The following MAST2 variants were observed in gnomAD, a reference collection of about 807,000 sequenced individuals.
The protein encoded by MAST2 is microtubule associated serine/threonine kinase 2.
In MAST2, 70 loss-of-function variants were observed where a neutral mutation model predicts 147.4. The ratio of observed to expected loss-of-function variants is 0.47; its 90% confidence interval spans 0.39 to 0.58. The LOEUF is 0.58. Among genes scored for constraint, MAST2 ranks in the 20% least tolerant of loss-of-function variants. MAST2 has a pLI of 0.00. For synonymous variants in MAST2, 869 were observed against 896.8 expected (o/e 0.97, Z 0.55); for missense variants, 2,080 against 2,302.3 (o/e 0.90, Z 1.98).
At chr1:46,032,506 G>A (rs2149343108) in intron 25 of MAST2, 90 bp from the exon 26 acceptor site, 4 of 1,594,902 alleles carry the variant, frequency 2.5e-6, no homozygotes, top group South Asian at 1.1e-5. Flanking sequence ...AAAGGGTGGT[G>A]GTGAAGGGGC....
At chr1:45,813,944 G>A (rs924242857) in intron 1 of MAST2, among the ~76,000 whole-genome samples, 2 of 152,080 alleles carry the variant, frequency 1.3e-5, no homozygotes, top group African/African-American at 4.8e-5. Flanking sequence ...GAACTATTAT[G>A]CCTGGCTTCC....
intron 4 of MAST2, among the ~76,000 whole-genome samples, chr1:45,928,567 C>CTTTT (rs11374683): frequency 7.0e-6 from 1 of 143,726 alleles, no homozygotes. Context: ...ATCACTCTTT[C>CTTTT]TTTTTTTTTT....
intron 4 of MAST2, among the ~76,000 whole-genome samples, chr1:45,938,514 A>T (rs1656634493): frequency 1.3e-5 from 2 of 151,960 alleles, no homozygotes; most frequent in South Asian, 4.1e-4. Context: ...ATTTGTAGAG[A>T]TGAGGTCTCA....
chr1:45,866,967 T>A lies in MAST2; in HGVS notation c.469-15397T>A, dbSNP rs191163719. Reference sequence around the variant, plus strand: ...TGTTTCACCATGTTGGCCAGCCGGGTCTCAAACTCCTGACCTCAGGTGATC... The same window carrying A: ...TGTTTCACCATGTTGGCCAGCCGGGACTCAAACTCCTGACCTCAGGTGATC... On this transcript the variant is annotated intron_variant, in intron 3 of 28. Transcript: ENST00000361297. Among the ~76,000 whole-genome samples, 31 of 152,200 alleles carry A rather than the reference T, an allele frequency of 2.0e-4. No homozygotes were observed. The East Asian group carries it at 5.8e-3, about 28-fold the overall frequency.
chr1:45,824,367 A>C, intron 1 of MAST2, 66 bp from the exon 2 acceptor site: 1 of 1,271,196 alleles, frequency 7.9e-7, no homozygotes, highest in Admixed American at 2.4e-5. Context: ...GAGATGTTTA[A>C]TATAAAGTTT....
chr1:45,814,558 G>A (rs1183494652), intron 1 of MAST2, among the ~76,000 whole-genome samples: 1 of 152,146 alleles, frequency 6.6e-6, no homozygotes, highest in East Asian at 1.9e-4. Flanking sequence ...ACACCAAGGC[G>A]GGTGTATCAC....
intron 3 of MAST2, among the ~76,000 whole-genome samples, chr1:45,835,789 C>T (rs1645085588): frequency 6.6e-6 from 1 of 152,114 alleles, no homozygotes; most frequent in Non-Finnish European, 1.5e-5. Flanking sequence ...GCTAGGGCAA[C>T]CACTAATCTG....
rs1646282243 is a variant in MAST2, at chr1:46,023,637, T to A, written c.1572-135T>A. 3 of 778,686 alleles carry A rather than the reference T, an allele frequency of 3.9e-6. No individual in the cohort carries two copies. The highest frequency in any genetic ancestry group is 6.3e-6 in the Non-Finnish European group (3 of 478,956). 48.2% of individuals were successfully genotyped at this position (778,686 alleles called of 1,614,324 possible). A position where few individuals can be genotyped will look rare whatever the true frequency, so the allele number is the denominator to read the frequency against. On this transcript the variant is annotated intron_variant, in intron 14 of 28. Coordinates refer to ENST00000361297, the MANE Select transcript of MAST2 (RefSeq NM_015112.3). The surrounding 1 kb of genome is among the most constrained non-coding windows in gnomAD (Gnocchi z 4.9). ...CTATGGACCAGGGGGTCCCAGACCCTTCTCACTGATATGCATGCCCTTGCC... is the reference window on the plus strand; with the variant it reads ...CTATGGACCAGGGGGTCCCAGACCCATCTCACTGATATGCATGCCCTTGCC...
At chr1:45,947,083 T>G (rs1658149184) in intron 4 of MAST2, among the ~76,000 whole-genome samples, 1 of 152,216 alleles carries the variant, frequency 6.6e-6, no homozygotes, top group South Asian at 2.1e-4. Context: ...GTTATTATTT[T>G]ATCTTGACTT....
chr1:46,010,473 C>T (rs917011098), intron 9 of MAST2, among the ~76,000 whole-genome samples: 1 of 152,174 alleles, frequency 6.6e-6, no homozygotes. Flanking sequence ...AGCAAAAGAG[C>T]TTGCCCTGGA....
intron 5 of MAST2, among the ~76,000 whole-genome samples, chr1:45,962,026 T>C (rs1157363810): frequency 1.3e-5 from 2 of 151,602 alleles, no homozygotes; most frequent in East Asian, 1.9e-4. Flanking sequence ...CGGTGTTTGG[T>C]TTTTTGTCCT....
intron 1 of MAST2, among the ~76,000 whole-genome samples, chr1:45,813,971 A>G (rs1644378221): frequency 6.6e-6 from 1 of 152,142 alleles, no homozygotes; most frequent in Admixed American, 6.5e-5. Flanking sequence ...ATTATAACAG[A>G]GTTGAAAAAT....
chr1:45,880,972 A>AAAG (rs1487031047), intron 3 of MAST2, among the ~76,000 whole-genome samples: 2 of 151,664 alleles, frequency 1.3e-5, no homozygotes, highest in African/African-American at 4.8e-5. Context: ...ATCTCAAAAA[A>AAAG]AAAAAAAAAA....
chr1:45,892,173 C>T (rs576353807), intron 4 of MAST2, among the ~76,000 whole-genome samples: 1 of 152,316 alleles, frequency 6.6e-6, no homozygotes, highest in South Asian at 2.1e-4. Context: ...CAATTATATT[C>T]TGGTCAAAAG....
At chr1:45,998,433 A>G (rs2149163872) in intron 6 of MAST2, among the ~76,000 whole-genome samples, 1 of 152,372 alleles carries the variant, frequency 6.6e-6, no homozygotes, top group East Asian at 1.9e-4. Context: ...CAACGCTGAC[A>G]GCTCTGCCTG....
intron 4 of MAST2, among the ~76,000 whole-genome samples, chr1:45,959,001 A>G (rs1358691412): frequency 6.6e-6 from 1 of 152,220 alleles, no homozygotes; most frequent in Non-Finnish European, 1.5e-5. Flanking sequence ...GGGGGTTCTT[A>G]GAGAATATGA....
chr1:45,861,696 C>T (rs1645986598), intron 3 of MAST2, among the ~76,000 whole-genome samples: 2 of 151,920 alleles, frequency 1.3e-5, no homozygotes, highest in Admixed American at 1.3e-4. Flanking sequence ...TCAATCCCCT[C>T]CCTTCCTTTT....
intron 3 of MAST2, among the ~76,000 whole-genome samples, chr1:45,855,718 T>G (rs913863520): frequency 6.6e-6 from 1 of 152,190 alleles, no homozygotes; most frequent in African/African-American, 2.4e-5. Flanking sequence ...TCCGGTGAGT[T>G]TGCTGAACTC....
At chr1:45,913,800 T>C (rs532208298) in intron 4 of MAST2, 99 of 1,164,012 alleles carry the variant, frequency 8.5e-5, no homozygotes, top group Non-Finnish European at 1.0e-4. Flanking sequence ...AAGACTCCAG[T>C]GTGAGGGCAA....
Sources: gnomAD v4.1 joint callset for allele counts (sites outside exome capture counted in the v4.1 genomes callset) on GRCh38, gnomAD v4.1.1 for gene constraint, Gnocchi (gnomAD v3.1) non-coding constraint, MANE v1.5 for transcripts, NCBI Gene and HGNC (gene_info 2026-07-23, HGNC 2026-07-21) for gene names.